Variants in GNA12 observed in about 807,000 individuals in gnomAD.
GNA12 encodes G protein subunit alpha 12, also known as guanine nucleotide-binding protein subunit alpha-12.
In GNA12, 9 loss-of-function variants were observed where a neutral mutation model predicts 26.0. The observed-to-expected ratio is 0.35, with a 90% CI of 0.21 to 0.60. The LOEUF is 0.60. GNA12 is among the 20% of genes least tolerant of loss of function. The pLI is 0.78. For missense variants in GNA12, 405 were observed against 525.8 expected (o/e 0.77, Z 2.25); for synonymous variants, 264 against 219.6 (o/e 1.20, Z -1.79).
chr7:2,735,052 A>G (rs1005101796), intron 2 of GNA12, among the ~76,000 whole-genome samples: 2 of 152,166 alleles, frequency 1.3e-5, no homozygotes. Flanking sequence ...GGTCCTCTGC[A>G]CATCATGCCT....
At chr7:2,798,915 C>T (rs866863653) in intron 1 of GNA12, among the ~76,000 whole-genome samples, 16 of 143,332 alleles carry the variant, frequency 1.1e-4, no homozygotes, top group Non-Finnish European at 2.0e-4. Context: ...TTTCAACAAA[C>T]GCTGTTGGAG....
Position 2,731,803 on chromosome 7 carries a change from A to C in GNA12, c.577-53T>G, listed in dbSNP as rs1196775739. The C allele has an allele frequency of 2.1e-6, 2 of 948,866 alleles. No individual in the cohort carries two copies. The highest frequency in any genetic ancestry group is 2.3e-4 in the Middle Eastern group (1 of 4,354). 58.8% of individuals were successfully genotyped at this position (948,866 alleles called of 1,614,324 possible). A position where few individuals can be genotyped will look rare whatever the true frequency, so the allele number is the denominator to read the frequency against. ...TTAGGGGGAGGAAGAAAGAACAGAG[A>C]AAATAGAAACAAAAAGATGGCAAAA... is the stretch of plus-strand genomic sequence containing the variant. On this transcript the variant is annotated intron_variant, in intron 3 of 3. Coordinates refer to ENST00000275364, the MANE Select transcript of GNA12 (RefSeq NM_007353.3). The surrounding 1 kb of genome is among the most constrained non-coding windows in gnomAD (Gnocchi z 6.0).
rs143424713 is a variant in GNA12, at chr7:2,744,898, G to C, written c.526-11397C>G. 7.2e-3 allele frequency among the ~76,000 whole-genome samples: 1,090 copies of C among 152,286 alleles called. 9 individuals carry two copies. Among genetic ancestry groups the C allele is most frequent in the African/African-American group, 0.019 (792 of 41,578 alleles). The stretch of plus-strand genomic sequence containing the variant: ...CAGAAGCCTCAGGAGCCGATGCGAT[G>C]AACTGGAAGAAAGGGTATAAGTGAT... On this transcript the variant is annotated intron_variant, in intron 2 of 3. Transcript: ENST00000275364.
chr7:2,795,700 C>T (rs899996669), intron 1 of GNA12, among the ~76,000 whole-genome samples: 8 of 151,680 alleles, frequency 5.3e-5, no homozygotes, highest in African/African-American at 1.9e-4. Flanking sequence ...AAGAAGTCTG[C>T]TTTCTGCTAT....
At chr7:2,821,036 G>A (rs139416865) in intron 1 of GNA12, among the ~76,000 whole-genome samples, 2 of 152,186 alleles carry the variant, frequency 1.3e-5, no homozygotes, top group South Asian at 2.1e-4. Context: ...CACCGCGCCC[G>A]GCCTACATCC....
chr7:2,775,495 G>A (rs1214866498), intron 2 of GNA12: 1 of 152,144 alleles, frequency 6.6e-6, no homozygotes, highest in Non-Finnish European at 1.5e-5. Flanking sequence ...CAGCAGCTCA[G>A]GAGGAACGTC....
In GNA12 at chr7:2,745,301, T is replaced by G. The variant is rs559462805; in HGVS notation, c.526-11800A>C. On this transcript the variant is annotated intron_variant, in intron 2 of 3. Transcript: ENST00000275364. ...CAGGTTACCCACAAAGGGAAGCCCA[T>G]CAGACTAACAGCTGATCTCTTGGCA... Among the ~76,000 whole-genome samples the G allele has an allele frequency of 4.3e-3, 656 of 152,348 alleles. 6 individuals are homozygous for G. The highest frequency in any genetic ancestry group is 0.015 in the African/African-American group (624 of 41,578).
At position 2,763,190 on chromosome 7, in the gene GNA12, CAACACACACA is replaced by C. The variant is rs946713001; in HGVS notation, c.526-29699_526-29690del. 1.8e-4 allele frequency: 55 copies of C among 307,860 alleles called. No individual in the cohort carries two copies. In the African/African-American group the frequency reaches 2.8e-3, roughly 15 times the overall value. 19.1% of individuals were successfully genotyped at this position (307,860 alleles called of 1,614,324 possible). On this transcript the variant is annotated intron_variant, in intron 2 of 3. Coordinates refer to ENST00000275364, the MANE Select transcript of GNA12 (RefSeq NM_007353.3). The stretch of plus-strand genomic sequence containing the variant: ...GTTAGCAGGACTTCACAAGACACCC[CAACACACACA>C]CACACACACACACACACACACACAC...
chr7:2,779,268 A>C (rs1369523280), intron 2 of GNA12, among the ~76,000 whole-genome samples: 1 of 152,152 alleles, frequency 6.6e-6, no homozygotes, highest in Non-Finnish European at 1.5e-5. Context: ...GGAATGCTTG[A>C]GCCCAGGAGG....
chr7:2,746,328 A>T (rs891253757), intron 2 of GNA12, among the ~76,000 whole-genome samples: 6 of 152,392 alleles, frequency 3.9e-5, no homozygotes, highest in South Asian at 2.1e-4. Context: ...ACTGTCTCTC[A>T]GACCACAGTG....
intron 2 of GNA12, among the ~76,000 whole-genome samples, chr7:2,743,572 G>A (rs896904577): frequency 2.0e-5 from 3 of 152,144 alleles, no homozygotes; most frequent in Non-Finnish European, 4.4e-5. Context: ...CAAGATGGCC[G>A]AATAGGAACA....
chr7:2,832,131 C>T (rs1778691549), intron 1 of GNA12, among the ~76,000 whole-genome samples: 1 of 152,206 alleles, frequency 6.6e-6, no homozygotes, highest in African/African-American at 2.4e-5. Context: ...TAGACTAGTC[C>T]AGGTGGATGT....
intron 2 of GNA12, among the ~76,000 whole-genome samples, chr7:2,791,089 T>C (rs943708646): frequency 5.3e-5 from 8 of 152,224 alleles, no homozygotes; most frequent in African/African-American, 1.9e-4. Flanking sequence ...GCACATTAGT[T>C]AATGAGCAAG....
intron 2 of GNA12, among the ~76,000 whole-genome samples, chr7:2,773,332 C>G (rs1791994378): frequency 6.6e-6 from 1 of 152,172 alleles, no homozygotes; most frequent in Non-Finnish European, 1.5e-5. Flanking sequence ...GGGAGGCCGA[C>G]ATGGGTGATC....
chr7:2,750,141 C>T (rs2115357870), intron 2 of GNA12, among the ~76,000 whole-genome samples: 1 of 152,294 alleles, frequency 6.6e-6, no homozygotes, highest in South Asian at 2.1e-4. Context: ...AGAAGTCAGA[C>T]TCTCCGGTCT....
At chr7:2,776,443 G>A (rs941152917) in intron 2 of GNA12, among the ~76,000 whole-genome samples, 2 of 152,236 alleles carry the variant, frequency 1.3e-5, no homozygotes, top group African/African-American at 2.4e-5. Context: ...CCTCCTCGGA[G>A]TGAGTCTGAC....
intron 1 of GNA12, among the ~76,000 whole-genome samples, chr7:2,799,405 C>A (rs1307254703): frequency 1.3e-5 from 2 of 152,088 alleles, no homozygotes; most frequent in Non-Finnish European, 2.9e-5. Flanking sequence ...CATAGTGAGA[C>A]CTCGTCTCTA....
At chr7:2,812,636 A>ACATCACATCACATC (rs1793107491) in intron 1 of GNA12, among the ~76,000 whole-genome samples, 1 of 134,094 alleles carries the variant, frequency 7.5e-6, no homozygotes. Context: ...TCTCAAAAAT[A>ACATCACATCACATC]ACATCACATC....
chr7:2,808,322 A>C (rs1792999790), intron 1 of GNA12, among the ~76,000 whole-genome samples: 1 of 152,186 alleles, frequency 6.6e-6, no homozygotes, highest in African/African-American at 2.4e-5. Context: ...GAGCTGGCCT[A>C]CCCAGGCCCT....
Sources: gnomAD v4.1 joint callset for allele counts (sites outside exome capture counted in the v4.1 genomes callset) on GRCh38, gnomAD v4.1.1 for gene constraint, Gnocchi (gnomAD v3.1) non-coding constraint, MANE v1.5 for transcripts, NCBI Gene and HGNC (gene_info 2026-07-23, HGNC 2026-07-21) for gene names.